The following SMYD3 variants were observed in gnomAD, a reference collection of about 807,000 sequenced individuals.
SMYD3 encodes histone-lysine N-methyltransferase SMYD3.
A neutral mutation model predicts 57.7 loss-of-function variants in SMYD3; 36 were observed. That is an observed-to-expected ratio of 0.62 (90% confidence interval 0.48 to 0.82). The LOEUF (loss-of-function observed/expected upper bound fraction) is 0.82. Ranked by LOEUF, SMYD3 falls within the 40% of genes least tolerant of loss-of-function variation. The probability of loss-of-function intolerance (pLI) is 0.00; values close to 1 mark genes in which losing one functional copy is unlikely to be tolerated. For synonymous variants in SMYD3, 211 were observed against 195.0 expected (o/e 1.08, Z -0.68); for missense variants, 515 against 538.8 (o/e 0.96, Z 0.44).
intron 10 of SMYD3, among the ~76,000 whole-genome samples, chr1:245,806,421 A>G (rs1412349839): frequency 6.6e-6 from 1 of 152,204 alleles, no homozygotes; most frequent in African/African-American, 2.4e-5. Flanking sequence ...AAATGGGAAA[A>G]CTGAGGCTCA....
chr1:246,384,627 C>G (rs1190526569), intron 1 of SMYD3, among the ~76,000 whole-genome samples: 1 of 152,148 alleles, frequency 6.6e-6, no homozygotes, highest in Non-Finnish European at 1.5e-5. Context: ...AAACTCCTCA[C>G]CTCAAGTGAT....
chr1:246,196,471 G>A (rs1004066263), intron 5 of SMYD3, among the ~76,000 whole-genome samples: 2 of 151,910 alleles, frequency 1.3e-5, no homozygotes, highest in South Asian at 2.1e-4. Context: ...CATTACCCAG[G>A]GAATCACTGC....
intron 1 of SMYD3, among the ~76,000 whole-genome samples, chr1:246,380,811 A>G (rs937830467): frequency 6.6e-6 from 1 of 152,214 alleles, no homozygotes; most frequent in African/African-American, 2.4e-5. Context: ...AGATATCTGA[A>G]GTAATAGTTA....
intron 5 of SMYD3, among the ~76,000 whole-genome samples, chr1:246,103,530 A>G (rs1033258451): frequency 6.6e-6 from 1 of 151,802 alleles, no homozygotes; most frequent in Admixed American, 6.6e-5. Context: ...GACAGCCCTC[A>G]GATTTATTCC....
chr1:246,485,655 T>G (rs1046566116), intron 1 of SMYD3, among the ~76,000 whole-genome samples: 9 of 150,294 alleles, frequency 6.0e-5, no homozygotes, highest in East Asian at 2.0e-4. Context: ...TAGCTGGGGG[T>G]GGTGGTTCGT....
chr1:245,810,833 G>A (rs2048427293), intron 10 of SMYD3, among the ~76,000 whole-genome samples: 1 of 152,210 alleles, frequency 6.6e-6, no homozygotes, highest in Non-Finnish European at 1.5e-5. Context: ...GAAAAGAGAT[G>A]AGGCTGCCAA....
At chr1:246,307,370 C>T (rs1484641202) in intron 5 of SMYD3, among the ~76,000 whole-genome samples, 1 of 150,538 alleles carries the variant, frequency 6.6e-6, no homozygotes, top group Non-Finnish European at 1.5e-5. Flanking sequence ...CCTACAGCCA[C>T]GTTTCCCATT....
intron 5 of SMYD3, among the ~76,000 whole-genome samples, chr1:246,054,481 G>A (rs1028552055): frequency 6.6e-6 from 1 of 152,198 alleles, no homozygotes; most frequent in Non-Finnish European, 1.5e-5. Flanking sequence ...CACAGTGAAT[G>A]TCCATCAGGA....
chr1:246,391,321 G>A (rs546614713), intron 1 of SMYD3, among the ~76,000 whole-genome samples: 26 of 150,778 alleles, frequency 1.7e-4, no homozygotes, highest in African/African-American at 4.9e-4. Context: ...TAAAGGCTAC[G>A]GTGAGCTTTG....
intron 10 of SMYD3, among the ~76,000 whole-genome samples, chr1:245,790,853 T>C (rs1410424735): frequency 1.3e-5 from 2 of 152,244 alleles, no homozygotes; most frequent in African/African-American, 2.4e-5. Flanking sequence ...GGCTCATTCA[T>C]TTCCAGATAA....
At chr1:246,171,007 T>C (rs2062320918) in intron 5 of SMYD3, among the ~76,000 whole-genome samples, 1 of 152,216 alleles carries the variant, frequency 6.6e-6, no homozygotes, top group Non-Finnish European at 1.5e-5. Flanking sequence ...GGTTTCATAG[T>C]CTACAAATTA....
intron 5 of SMYD3, among the ~76,000 whole-genome samples, chr1:245,957,091 C>T (rs185937149): frequency 6.6e-6 from 1 of 152,322 alleles, no homozygotes; most frequent in Admixed American, 6.5e-5. Flanking sequence ...TATTCATCTG[C>T]AGCACCAGCC....
At chr1:246,159,816 G>C (rs549312528) in intron 5 of SMYD3, among the ~76,000 whole-genome samples, 14 of 152,106 alleles carry the variant, frequency 9.2e-5, no homozygotes, top group African/African-American at 3.1e-4. Context: ...GTCCTGGAGT[G>C]GGGGGAGTAC....
At chr1:246,153,917 T>TA (rs2061981270) in intron 5 of SMYD3, among the ~76,000 whole-genome samples, 1 of 152,214 alleles carries the variant, frequency 6.6e-6, no homozygotes, top group Non-Finnish European at 1.5e-5. Context: ...CAACCTCTCA[T>TA]AATATGTACT....
rs922382400 is a variant in SMYD3 at position 246,330,466 on chromosome 1, A to G, written c.394+14T>C. On this transcript the variant is annotated intron_variant, in intron 4 of 11. Coordinates refer to ENST00000490107, the MANE Select transcript of SMYD3 (RefSeq NM_001167740.2). The stretch of plus-strand genomic sequence containing the variant: ...ATAGAAACTTTTTTAAGATGCTGAT[A>G]GACAATCACTTACTTGACTCCAGAT... The G allele has an allele frequency of 6.4e-7, 1 of 1,562,120 alleles. No homozygotes were observed. Among genetic ancestry groups the G allele is most frequent in the East Asian group, 2.3e-5 (1 of 43,628 alleles).
chr1:246,029,386 T>G (rs557969176), intron 5 of SMYD3, among the ~76,000 whole-genome samples: 10 of 152,162 alleles, frequency 6.6e-5, no homozygotes, highest in African/African-American at 2.4e-4. Flanking sequence ...AAAGAAAATA[T>G]GCAGGCCAGG....
chr1:246,054,873 T>TAAAAAAAAAAAAA (rs749022916), intron 5 of SMYD3, among the ~76,000 whole-genome samples: 4 of 79,122 alleles, frequency 5.1e-5, no homozygotes, highest in African/African-American at 1.5e-4. Context: ...AGGATGACTA[T>TAAAAAAAAAAAAA]AAAAAAAAAA....
At chr1:246,097,680 G>A (rs1346715814) in intron 5 of SMYD3, among the ~76,000 whole-genome samples, 1 of 151,598 alleles carries the variant, frequency 6.6e-6, no homozygotes, top group African/African-American at 2.4e-5. Flanking sequence ...CACTGCCTGA[G>A]AAGTCACACA....
chr1:246,461,203 T>C (rs2067792387), intron 1 of SMYD3, among the ~76,000 whole-genome samples: 1 of 152,250 alleles, frequency 6.6e-6, no homozygotes, highest in Non-Finnish European at 1.5e-5. Context: ...AATTCAAGCA[T>C]GTTTATTCTC....
Sources: allele counts gnomAD v4.1 joint callset (sites outside exome capture counted in the v4.1 genomes callset), GRCh38; gene constraint gnomAD v4.1.1; transcripts MANE v1.5; gene names NCBI Gene and HGNC (gene_info 2026-07-23, HGNC 2026-07-21).